The following ZAP70 variants were observed in gnomAD, a reference collection of about 807,000 sequenced individuals.
ZAP70 encodes tyrosine-protein kinase ZAP-70.
A neutral mutation model predicts 65.8 loss-of-function variants in ZAP70; 27 were observed. The observed-to-expected ratio is 0.41, with a 90% CI of 0.30 to 0.57. The LOEUF is 0.57. Ranked by LOEUF, ZAP70 falls within the 20% of genes least tolerant of loss-of-function variation. The pLI is 0.28. For missense variants in ZAP70, 696 were observed against 870.5 expected (o/e 0.80, Z 2.52); for synonymous variants, 363 against 360.8 (o/e 1.01, Z -0.07).
chr2:97,739,708 C>A lies in ZAP70; in HGVS notation c.*210C>A. On this transcript the variant is annotated 3_prime_UTR_variant, in exon 14 of 14. Transcript: ENST00000264972. Reference sequence around the variant, plus strand: ...AGCAGGGAGGTCCGGGAGGGTGCGGCTGTGCAGCCTGTCCTGGGCTGGTGG... The same window carrying A: ...AGCAGGGAGGTCCGGGAGGGTGCGGATGTGCAGCCTGTCCTGGGCTGGTGG... The A allele has an allele frequency of 1.3e-6, 1 of 746,784 alleles. No homozygotes were observed. Among genetic ancestry groups the A allele is most frequent in the Non-Finnish European group, 2.1e-6 (1 of 469,524 alleles). 46.3% of individuals were successfully genotyped at this position (746,784 alleles called of 1,614,324 possible).
At position 97,733,058 on chromosome 2, in the gene ZAP70, T is replaced by C. The variant is rs1677679710; in HGVS notation, c.702+37T>C. On this transcript the variant is annotated intron_variant, in intron 5 of 13. Coordinates refer to ENST00000264972, the MANE Select transcript of ZAP70 (RefSeq NM_001079.4). ...GTGCAACTTGTTCTGGGAGATGCCG[T>C]GCTCAGATGGGGTGCCGGGCTCTGG... 5 of 1,614,020 alleles carry C rather than the reference T, an allele frequency of 3.1e-6. No individual in the cohort carries two copies. The East Asian group carries it at 1.1e-4, about 36-fold the overall frequency.
rs763061621 is a variant in ZAP70, at chr2:97,724,924, G to A, written c.403-168G>A. 5.9e-6 allele frequency: 9 copies of A among 1,533,994 alleles called. No homozygotes were observed. In the South Asian group the frequency reaches 9.6e-5, roughly 16 times the overall value. On this transcript the variant is annotated intron_variant, in intron 3 of 13. Coordinates refer to ENST00000264972, the MANE Select transcript of ZAP70 (RefSeq NM_001079.4). ...GGTGGTTCCTCCCTAGCTGGATTGG[G>A]GAGGGGACCACGGAGATGGCGCGGA...
downstream of ZAP70, among the ~76,000 whole-genome samples, chr2:97,743,550 G>A (rs956064989): frequency 6.6e-6 from 1 of 152,142 alleles, no homozygotes; most frequent in African/African-American, 2.4e-5. Flanking sequence ...TGGTCAGGCT[G>A]GTCTTGAACT....
rs146012441 is a variant in ZAP70 at position 97,735,993 on chromosome 2, C to T, written c.1289+537C>T. 4.2e-3 allele frequency among the ~76,000 whole-genome samples: 645 copies of T among 152,022 alleles called. 3 individuals carry two copies. Among genetic ancestry groups the T allele is most frequent in the African/African-American group, 0.015 (622 of 41,472 alleles). On this transcript the variant is annotated intron_variant, in intron 10 of 13. Transcript: ENST00000264972. Reference sequence around the variant, plus strand: ...ACTGCACTCCAGCCTGGGGACAGAGCGAAACTCCATCTCAAAAAAATAAAT... The same window carrying T: ...ACTGCACTCCAGCCTGGGGACAGAGTGAAACTCCATCTCAAAAAAATAAAT...
At position 97,730,865 on chromosome 2, in the gene ZAP70, C is replaced by G. The variant is rs567695030; in HGVS notation, c.564-2018C>G. ...GGTCAGAAGATTGAGACCATCCTAT[C>G]TAACACAGTGAAACCCCATCTCTAC... On this transcript the variant is annotated intron_variant, in intron 4 of 13. Transcript: ENST00000264972. Among the ~76,000 whole-genome samples the G allele has an allele frequency of 2.3e-4, 35 of 152,186 alleles. 1 individual carries two copies. In the South Asian group the frequency reaches 7.3e-3, roughly 32 times the overall value.
At chr2:97,748,420 G>A in the ZAP70 span, among the ~76,000 whole-genome samples, 3 of 152,032 alleles carry the variant, frequency 2.0e-5, no homozygotes, top group East Asian at 5.8e-4. Context: ...CTGTAATTTC[G>A]TATTGGTCTG....
chr2:97,748,520 AG>A, the ZAP70 span, among the ~76,000 whole-genome samples: 12 of 152,126 alleles, frequency 7.9e-5, no homozygotes, highest in African/African-American at 2.9e-4. Context: ...AGTGAACTGC[AG>A]GGGTGTTCTC....
chr2:97,755,535 G>A, the ZAP70 span, among the ~76,000 whole-genome samples: 11 of 152,290 alleles, frequency 7.2e-5, no homozygotes, highest in East Asian at 1.9e-3. Context: ...TAATACCAGT[G>A]GGTAAATAGC....
chr2:97,742,803 C>A (rs1045738298), downstream of ZAP70, among the ~76,000 whole-genome samples: 2 of 152,204 alleles, frequency 1.3e-5, no homozygotes, highest in Non-Finnish European at 2.9e-5. Context: ...GTTGAGGAAA[C>A]CAAGGCTCTG....
the ZAP70 span, among the ~76,000 whole-genome samples, chr2:97,748,741 G>C: frequency 6.6e-6 from 1 of 152,166 alleles, no homozygotes. Flanking sequence ...CACTCTCCAA[G>C]GTTCCCGCCA....
In ZAP70 at chr2:97,737,941, G is replaced by C. The variant is rs200199832; in HGVS notation, c.1623+44G>C. The C allele has an allele frequency of 1.6e-5, 26 of 1,613,866 alleles. No homozygotes were observed. Among genetic ancestry groups the C allele is most frequent in the Non-Finnish European group, 4.2e-6 (5 of 1,179,914 alleles). On this transcript the variant is annotated intron_variant, in intron 12 of 13. Transcript: ENST00000264972. This position sits in a 1 kb window ranked among gnomAD's most constrained non-coding sequence, Gnocchi z 5.0. ...AGGTGGGCGGTGTGGTGGGGAGGGGGATGAGGAGGAGGACACTGGTCACTC... is the reference window on the plus strand; with the variant it reads ...AGGTGGGCGGTGTGGTGGGGAGGGGCATGAGGAGGAGGACACTGGTCACTC...
chr2:97,734,795 G>A (rs1416448037), intron 9 of ZAP70, 83 bp downstream of exon 9: 1 of 1,555,832 alleles, frequency 6.4e-7, no homozygotes, highest in African/African-American at 1.4e-5. Flanking sequence ...ACGGGAGCCG[G>A]GATGTCTGTC....
At chr2:97,717,418 C>T (rs1423630439) in intron 2 of ZAP70, among the ~76,000 whole-genome samples, 1 of 144,472 alleles carries the variant, frequency 6.9e-6, no homozygotes, top group Non-Finnish European at 1.5e-5. Flanking sequence ...CTCTGAGCCT[C>T]TGGCTGGGGT....
chr2:97,747,995 A>G, the ZAP70 span, among the ~76,000 whole-genome samples: 1 of 151,964 alleles, frequency 6.6e-6, no homozygotes, highest in Non-Finnish European at 1.5e-5. Flanking sequence ...CTTGAAGCCA[A>G]GTGTCTAGAT....
chr2:97,732,824 G>C, intron 4 of ZAP70, 59 bp from the exon 5 acceptor site: 1 of 1,609,522 alleles, frequency 6.2e-7, no homozygotes, highest in East Asian at 2.2e-5. Flanking sequence ...GGGAACCGGG[G>C]CACAGCAGGA....
At chr2:97,717,936 G>A (rs1359029480) in intron 2 of ZAP70, among the ~76,000 whole-genome samples, 2 of 152,208 alleles carry the variant, frequency 1.3e-5, no homozygotes, top group African/African-American at 4.8e-5. Flanking sequence ...GGCTGTGAGT[G>A]TGGGGCAGGT....
rs1017869021 is a variant in ZAP70, at chr2:97,733,281, C to T, written c.791-16C>T. The T allele has an allele frequency of 1.1e-5, 17 of 1,607,386 alleles. No individual in the cohort carries two copies. In the Admixed American group the frequency reaches 1.5e-4, roughly 14 times the overall value. ...GACCTGGCCCCCAGCCCTCACTGTCCCTTCTGCTCCCCCAGGGGCTGCTGC... is the reference window on the plus strand; with the variant it reads ...GACCTGGCCCCCAGCCCTCACTGTCTCTTCTGCTCCCCCAGGGGCTGCTGC... On this transcript the variant is annotated splice_polypyrimidine_tract_variant and intron_variant, in intron 6 of 13. Transcript: ENST00000264972.
chr2:97,734,623 C>T lies in ZAP70; in HGVS notation c.993C>T (p.Phe331=). 1 of 1,614,248 alleles carries T rather than the reference C, an allele frequency of 6.2e-7. No individual in the cohort carries two copies. Among genetic ancestry groups the T allele is most frequent in the Non-Finnish European group, 8.5e-7 (1 of 1,180,032 alleles). The change falls in exon 9 of 14, where the codon TTC becomes TTT. Residue 331 remains phenylalanine, a synonymous_variant. Transcript: ENST00000264972. ...DPEELKDKKL[F]LKRDNLLIAD... is the part of the protein sequence containing the mutation. ...AGGAGCTCAAGGACAAGAAGCTCTTCCTGAAGCGCGATAACCTCCTCATAG... is the reference window on the plus strand; with the variant it reads ...AGGAGCTCAAGGACAAGAAGCTCTTTCTGAAGCGCGATAACCTCCTCATAG...
At chr2:97,751,030 A>G in the ZAP70 span, among the ~76,000 whole-genome samples, 1 of 152,224 alleles carries the variant, frequency 6.6e-6, no homozygotes, top group African/African-American at 2.4e-5. Flanking sequence ...GGAATCATCT[A>G]TGATAATTTT....
Sources: allele counts gnomAD v4.1 joint callset (sites outside exome capture counted in the v4.1 genomes callset), GRCh38; gene constraint gnomAD v4.1.1; non-coding constraint Gnocchi (gnomAD v3.1); transcripts MANE v1.5; gene names NCBI Gene and HGNC (gene_info 2026-07-23, HGNC 2026-07-21).